SLIT3: variants seen among roughly 807,000 people sequenced by gnomAD.
SLIT3 encodes slit homolog 3 protein.
A neutral mutation model predicts 184.0 loss-of-function variants in SLIT3; 68 were observed. The ratio of observed to expected loss-of-function variants is 0.37; its 90% CI spans 0.30 to 0.45. The LOEUF is 0.45. Ranked by LOEUF, SLIT3 falls within the 20% of genes least tolerant of loss-of-function variation. The pLI is 1.00. For synonymous variants in SLIT3, 831 were observed against 828.6 expected, an observed-to-expected ratio of 1.00 and a Z score of -0.05; for missense variants, 1,707 against 2,026.0, an observed-to-expected ratio of 0.84 and a Z score of 3.02.
chr5:169,286,901 G>T (rs1263827301), intron 1 of SLIT3, among the ~76,000 whole-genome samples: 2 of 152,214 alleles, frequency 1.3e-5, no homozygotes, highest in African/African-American at 4.8e-5. Context: ...TTGTTTTAAA[G>T]ACGGGAAGAG....
intron 4 of SLIT3, among the ~76,000 whole-genome samples, chr5:168,891,578 G>T (rs1263730338): frequency 6.6e-6 from 1 of 152,174 alleles, no homozygotes; most frequent in Admixed American, 6.5e-5. Flanking sequence ...GATGAACAGG[G>T]CTGAACAGCC....
At chr5:169,032,977 C>A (rs988482010) in intron 4 of SLIT3, among the ~76,000 whole-genome samples, 1 of 123,684 alleles carries the variant, frequency 8.1e-6, no homozygotes, top group South Asian at 2.7e-4. Flanking sequence ...GAAATCTACT[C>A]CTGTAGCATG....
intron 4 of SLIT3, among the ~76,000 whole-genome samples, chr5:168,940,533 A>G (rs1762297523): frequency 6.6e-6 from 1 of 152,184 alleles, no homozygotes; most frequent in South Asian, 2.1e-4. Context: ...AAACATTTAG[A>G]GCAACTAGAG....
chr5:168,855,059 T>A (rs913771619), intron 5 of SLIT3, among the ~76,000 whole-genome samples: 43 of 152,224 alleles, frequency 2.8e-4, no homozygotes, highest in African/African-American at 9.7e-4. Context: ...CCTGAACTTA[T>A]CAGCAACAGG....
chr5:168,682,177 G>A (rs985894353), intron 32 of SLIT3, among the ~76,000 whole-genome samples: 11 of 152,174 alleles, frequency 7.2e-5, no homozygotes, highest in Non-Finnish European at 1.5e-4. Context: ...GTGCCCAACT[G>A]TCCTAACCTG....
intron 4 of SLIT3, among the ~76,000 whole-genome samples, chr5:169,156,328 C>G (rs1762303004): frequency 6.6e-6 from 1 of 152,214 alleles, no homozygotes; most frequent in Non-Finnish European, 1.5e-5. Context: ...TGTACATGCA[C>G]ACGTGTACAG....
At chr5:169,186,274 G>A (rs1286570049) in intron 4 of SLIT3, among the ~76,000 whole-genome samples, 1 of 152,128 alleles carries the variant, frequency 6.6e-6, no homozygotes, top group Non-Finnish European at 1.5e-5. Flanking sequence ...AAGAGGAGGA[G>A]ACACCAGGGT....
chr5:168,791,801 G>A (rs530714643), intron 10 of SLIT3: 2 of 152,200 alleles, frequency 1.3e-5, no homozygotes, highest in Admixed American at 6.5e-5. Flanking sequence ...TACATTCACC[G>A]TGTTGTATAA....
intron 11 of SLIT3, among the ~76,000 whole-genome samples, chr5:168,788,110 C>A (rs920416108): frequency 2.0e-5 from 3 of 151,946 alleles, no homozygotes; most frequent in Non-Finnish European, 4.4e-5. Context: ...ACCTCACTGC[C>A]CTCAGACTGT....
chr5:168,807,546 C>T lies in SLIT3; in HGVS notation c.794-959G>A, dbSNP rs774596550. Among the ~76,000 whole-genome samples the T allele has an allele frequency of 2.6e-4, 40 of 152,240 alleles. 1 individual carries two copies. The Middle Eastern group carries it at 0.01, about 39-fold the overall frequency. ...GCCCAACCCCACATCCCTCCCAGGA[C>T]CTCATCCTACTGCTGCTGGATCCAG... On this transcript the variant is annotated intron_variant, in intron 8 of 35. Transcript: ENST00000519560.
chr5:169,243,979 A>G (rs1402997611), intron 3 of SLIT3, among the ~76,000 whole-genome samples: 1 of 152,262 alleles, frequency 6.6e-6, no homozygotes, highest in Non-Finnish European at 1.5e-5. Flanking sequence ...AAGAAAGGTG[A>G]AGTTGCCTAC....
intron 3 of SLIT3, among the ~76,000 whole-genome samples, chr5:169,211,909 A>C (rs1242098421): frequency 6.6e-6 from 1 of 152,128 alleles, no homozygotes. Flanking sequence ...TTCTTATGTT[A>C]GTTTGCTGAG....
In SLIT3 at chr5:169,095,909, T is replaced by C. The variant is rs1759760841; in HGVS notation, c.413+97570A>G. 3.3e-5 allele frequency among the ~76,000 whole-genome samples: 5 copies of C among 152,340 alleles called. No homozygotes were observed. The South Asian group carries it at 1.0e-3, about 32-fold the overall frequency. ...TTTAAAACAATTTTAATTACATAAG[T>C]ACATGAATGCATTCTCCTGATCATA... is the stretch of plus-strand genomic sequence containing the variant. On this transcript the variant is annotated intron_variant, in intron 4 of 35. Coordinates refer to ENST00000519560, the MANE Select transcript of SLIT3 (RefSeq NM_003062.4).
At chr5:168,910,078 G>A (rs1035694564) in intron 4 of SLIT3, among the ~76,000 whole-genome samples, 1 of 152,238 alleles carries the variant, frequency 6.6e-6, no homozygotes, top group Non-Finnish European at 1.5e-5. Flanking sequence ...TTGTGGGCAG[G>A]ACCAAACCAT....
intron 4 of SLIT3, among the ~76,000 whole-genome samples, chr5:169,155,952 A>T (rs2113379868): frequency 6.6e-6 from 1 of 152,364 alleles, no homozygotes; most frequent in Admixed American, 6.5e-5. Flanking sequence ...AACAAAATGG[A>T]TCCGTGACGG....
At chr5:169,139,109 C>A (rs1469376322) in intron 4 of SLIT3, among the ~76,000 whole-genome samples, 1 of 152,234 alleles carries the variant, frequency 6.6e-6, no homozygotes, top group Non-Finnish European at 1.5e-5. Flanking sequence ...CTGGTGATTT[C>A]TCCCTGGGTA....
intron 3 of SLIT3, among the ~76,000 whole-genome samples, chr5:169,206,534 T>C (rs1309996924): frequency 6.6e-6 from 1 of 152,244 alleles, no homozygotes; most frequent in Non-Finnish European, 1.5e-5. Context: ...AAGTGTACTG[T>C]TTAAAATGAT....
At chr5:169,266,866 C>A (rs997760402) in intron 1 of SLIT3, among the ~76,000 whole-genome samples, 1 of 152,138 alleles carries the variant, frequency 6.6e-6, no homozygotes, top group Non-Finnish European at 1.5e-5. Flanking sequence ...ATAAACTGAT[C>A]CCCTAGGGTC....
intron 4 of SLIT3, among the ~76,000 whole-genome samples, chr5:169,003,227 T>G (rs1475685893): frequency 6.6e-6 from 1 of 152,220 alleles, no homozygotes; most frequent in Non-Finnish European, 1.5e-5. Context: ...GCATATCATT[T>G]CAAGTTGTCA....
Sources: gnomAD v4.1 joint callset for allele counts (sites outside exome capture counted in the v4.1 genomes callset) on GRCh38, gnomAD v4.1.1 for gene constraint, MANE v1.5 for transcripts, NCBI Gene and HGNC (gene_info 2026-07-23, HGNC 2026-07-21) for gene names.